Variants in NHEJ1 observed in about 807,000 individuals in gnomAD.
NHEJ1 encodes non-homologous end-joining factor 1.
Under a neutral mutation model 39.4 loss-of-function variants are expected in NHEJ1, and 22 were observed. That is an observed-to-expected ratio of 0.56 (90% CI 0.40 to 0.80). The LOEUF is 0.80. Ranked by LOEUF, NHEJ1 falls within the 30% of genes least tolerant of loss-of-function variation. The pLI is 0.00. For missense variants in NHEJ1, 329 were observed against 357.1 expected, an observed-to-expected ratio of 0.92 and a Z score of 0.63; for synonymous variants, 154 against 135.6, an observed-to-expected ratio of 1.14 and a Z score of -0.94.
intron 5 of NHEJ1, among the ~76,000 whole-genome samples, chr2:219,091,550 C>T (rs959502115): frequency 3.9e-5 from 6 of 152,048 alleles, no homozygotes; most frequent in Non-Finnish European, 5.9e-5. Flanking sequence ...AAATTCTATG[C>T]CCTGAATTTC....
chr2:219,093,196 G>A (rs1159402660), intron 5 of NHEJ1, among the ~76,000 whole-genome samples: 3 of 152,064 alleles, frequency 2.0e-5, no homozygotes, highest in Non-Finnish European at 2.9e-5. Flanking sequence ...TACCACTGTC[G>A]AATACCTTAG....
At chr2:219,158,874 A>G (rs1949883314) in intron 1 of NHEJ1, 1 of 180,114 alleles carries the variant, frequency 5.6e-6, no homozygotes, top group Non-Finnish European at 1.2e-5. Flanking sequence ...AGCTCTCAGG[A>G]TTTTTTTAAA....
At chr2:219,117,332 C>A (rs995527677) in intron 5 of NHEJ1, among the ~76,000 whole-genome samples, 1 of 152,178 alleles carries the variant, frequency 6.6e-6, no homozygotes, top group Admixed American at 6.5e-5. Flanking sequence ...CTACTCTGGA[C>A]AGCAGAGTCC....
At chr2:219,077,118 C>G (rs1272411119) in intron 7 of NHEJ1, 128 bp downstream of exon 7, 3 of 745,160 alleles carry the variant, frequency 4.0e-6, no homozygotes, top group African/African-American at 1.7e-5. Context: ...CAATTTGGAG[C>G]CTGGTCACAA....
In NHEJ1 at chr2:219,071,348, G is replaced by C. The variant is rs964611190; in HGVS notation, c.*5033C>G. 6.6e-6 allele frequency among the ~76,000 whole-genome samples: 1 copy of C among 152,194 alleles called. No homozygotes were observed. Among genetic ancestry groups the C allele is most frequent in the Non-Finnish European group, 1.5e-5 (1 of 68,020 alleles). On this transcript the variant is annotated 3_prime_UTR_variant, in exon 8 of 8. Coordinates refer to ENST00000356853, the MANE Select transcript of NHEJ1 (RefSeq NM_024782.3). ...GCTAGGAGGACTCTGGCCCGGGAGA[G>C]GGGGGTAGGGGTTAGGCAAACAGGC...
chr2:219,135,269 G>A (rs1034544031), intron 5 of NHEJ1, among the ~76,000 whole-genome samples: 4 of 152,146 alleles, frequency 2.6e-5, no homozygotes, highest in Non-Finnish European at 5.9e-5. Flanking sequence ...GGAGGTACAT[G>A]AAGCTTATAG....
chr2:219,089,593 G>C (rs1051794243), intron 5 of NHEJ1, among the ~76,000 whole-genome samples: 4 of 152,192 alleles, frequency 2.6e-5, no homozygotes, highest in African/African-American at 9.6e-5. Context: ...GGTGAATGGA[G>C]AATGACTGCA....
chr2:219,160,096 A>C (rs528161042), intron 1 of NHEJ1, among the ~76,000 whole-genome samples: 154 of 152,266 alleles, frequency 1.0e-3, no homozygotes, highest in Middle Eastern at 3.4e-3. Context: ...GGCTGCCTCT[A>C]ACATTCACAT....
chr2:219,141,450 A>G (rs6761113), intron 5 of NHEJ1, among the ~76,000 whole-genome samples: 78,188 of 150,408 alleles, frequency 0.52, 22,137 homozygotes, highest in Non-Finnish European at 0.64. Context: ...AACGGGAGGT[A>G]GAATAGAGAA....
intron 5 of NHEJ1, among the ~76,000 whole-genome samples, chr2:219,079,738 G>A (rs1404870067): frequency 6.6e-6 from 1 of 152,156 alleles, no homozygotes; most frequent in East Asian, 1.9e-4. Context: ...CTCACTCTCA[G>A]GAGTTCAGCT....
At chr2:219,146,855 G>A in intron 4 of NHEJ1, 117 bp from the exon 5 acceptor site, 1 of 786,900 alleles carries the variant, frequency 1.3e-6, no homozygotes, top group South Asian at 1.4e-5. Context: ...GCATCATGCA[G>A]AGACACCTAG....
chr2:219,118,289 G>A (rs944340760), intron 5 of NHEJ1, among the ~76,000 whole-genome samples: 2 of 152,130 alleles, frequency 1.3e-5, no homozygotes, highest in African/African-American at 4.8e-5. Context: ...TTCTTTTCAC[G>A]AAATGTTGGG....
At chr2:219,094,065 G>A (rs1215237140) in intron 5 of NHEJ1, among the ~76,000 whole-genome samples, 1 of 152,198 alleles carries the variant, frequency 6.6e-6, no homozygotes, top group Non-Finnish European at 1.5e-5. Flanking sequence ...GAAGTCGAAG[G>A]GACAGAAGGT....
At chr2:219,108,312 G>A (rs73991048) in intron 5 of NHEJ1, among the ~76,000 whole-genome samples, 2,462 of 152,236 alleles carry the variant, frequency 0.016, 70 homozygotes, top group African/African-American at 0.056. Flanking sequence ...AATTCTCTAA[G>A]TTCATCCAGA....
At chr2:219,109,875 C>T (rs1271918754) in intron 5 of NHEJ1, among the ~76,000 whole-genome samples, 1 of 152,136 alleles carries the variant, frequency 6.6e-6, no homozygotes, top group Admixed American at 6.5e-5. Context: ...TCAGTAACGA[C>T]AGTATATTAT....
intron 3 of NHEJ1, among the ~76,000 whole-genome samples, chr2:219,149,837 C>T (rs184744884): frequency 1.6e-4 from 24 of 152,314 alleles, no homozygotes; most frequent in African/African-American, 5.1e-4. Context: ...ACTGGACTCT[C>T]CTGTTGTAGC....
intron 5 of NHEJ1, among the ~76,000 whole-genome samples, chr2:219,138,660 G>GT (rs1006272608): frequency 6.6e-6 from 1 of 152,124 alleles, no homozygotes; most frequent in East Asian, 1.9e-4. Context: ...ACCATAAACA[G>GT]TAAGTATAAT....
At chr2:219,141,346 C>T (rs1339587135) in intron 5 of NHEJ1, among the ~76,000 whole-genome samples, 1 of 150,374 alleles carries the variant, frequency 6.7e-6, no homozygotes, top group Non-Finnish European at 1.5e-5. Flanking sequence ...TGCCACTGCA[C>T]TCTAGCCTGG....
chr2:219,107,596 C>T (rs1559192667), intron 5 of NHEJ1, among the ~76,000 whole-genome samples: 1 of 152,118 alleles, frequency 6.6e-6, no homozygotes, highest in African/African-American at 2.4e-5. Context: ...AAATAAGAAG[C>T]CCCAGGCTGC....
Sources: allele counts gnomAD v4.1 joint callset (sites outside exome capture counted in the v4.1 genomes callset), GRCh38; gene constraint gnomAD v4.1.1; transcripts MANE v1.5; gene names NCBI Gene and HGNC (gene_info 2026-07-23, HGNC 2026-07-21).